The following BAZ2B variants were observed in gnomAD, a reference collection of about 807,000 sequenced individuals.
BAZ2B encodes bromodomain adjacent to zinc finger domain 2B.
A neutral mutation model predicts 246.0 loss-of-function variants in BAZ2B; 91 were observed. That is an observed-to-expected ratio of 0.37 (90% CI 0.31 to 0.44). The LOEUF (loss-of-function observed/expected upper bound fraction) is 0.44. BAZ2B is among the 20% of genes least tolerant of loss of function. The pLI is 1.00. For synonymous variants in BAZ2B, 855 were observed against 860.0 expected, an observed-to-expected ratio of 0.99 and a Z score of 0.10; for missense variants, 2,332 against 2,533.7, an observed-to-expected ratio of 0.92 and a Z score of 1.71.
At chr2:159,332,883 G>T in intron 33 of BAZ2B, 197 bp from the exon 34 acceptor site, 1 of 590,678 alleles carries the variant, frequency 1.7e-6, no homozygotes, top group Non-Finnish European at 2.9e-6. Flanking sequence ...AGTTCTATTG[G>T]GGTAAATGCA....
At chr2:159,446,714 T>C in intron 6 of BAZ2B, 68 bp downstream of exon 6, 2 of 1,390,524 alleles carry the variant, frequency 1.4e-6, no homozygotes, top group Non-Finnish European at 9.6e-7. Context: ...ATTCTGTTGA[T>C]TTGACCTTCA....
At chr2:159,697,628 C>CT in the BAZ2B span, among the ~76,000 whole-genome samples, 7 of 152,070 alleles carry the variant, frequency 4.6e-5, no homozygotes, top group East Asian at 9.6e-4. Flanking sequence ...ACAATTTTGG[C>CT]TTTTTTTGCA....
intron 3 of BAZ2B, among the ~76,000 whole-genome samples, chr2:159,478,107 T>G (rs1483034335): frequency 6.6e-6 from 1 of 152,166 alleles, no homozygotes; most frequent in Non-Finnish European, 1.5e-5. Flanking sequence ...TCAGCCAAAT[T>G]TTATTCATGT....
rs1415294612 is a variant in BAZ2B, at chr2:159,569,055, A to G, written c.-45-13190T>C. Reference sequence around the variant, plus strand: ...CAGCATTTACTAAATAACAGTTAATAGATGTGATCCATTCCATAACAAATT... The same window carrying G: ...CAGCATTTACTAAATAACAGTTAATGGATGTGATCCATTCCATAACAAATT... On this transcript the variant is annotated intron_variant, in intron 1 of 36. Transcript: ENST00000392783. Among the ~76,000 whole-genome samples the G allele has an allele frequency of 7.2e-5, 11 of 152,176 alleles. No homozygotes were observed. In the East Asian group the frequency reaches 2.1e-3, roughly 29 times the overall value.
chr2:159,390,846 G>C (rs1276988146), intron 20 of BAZ2B, among the ~76,000 whole-genome samples: 1 of 152,106 alleles, frequency 6.6e-6, no homozygotes, highest in African/African-American at 2.4e-5. Flanking sequence ...ACTGATTCAT[G>C]CAGACATTCT....
At chr2:159,507,720 G>A (rs1031190548) in intron 2 of BAZ2B, among the ~76,000 whole-genome samples, 2 of 152,096 alleles carry the variant, frequency 1.3e-5, no homozygotes, top group African/African-American at 4.8e-5. Flanking sequence ...ATAAGAAAAT[G>A]AGAAGGGACA....
intron 17 of BAZ2B, 142 bp from the exon 18 acceptor site, chr2:159,399,036 C>T: frequency 1.7e-6 from 1 of 605,928 alleles, no homozygotes; most frequent in Non-Finnish European, 2.7e-6. Flanking sequence ...AGATTTCCCC[C>T]CAGTTAACAT....
chr2:159,486,447 C>A (rs1180667277), intron 2 of BAZ2B, among the ~76,000 whole-genome samples: 1 of 151,944 alleles, frequency 6.6e-6, no homozygotes, highest in African/African-American at 2.4e-5. Flanking sequence ...CTAAGTACTA[C>A]ATGTCTGATG....
intron 22 of BAZ2B, 118 bp from the exon 23 acceptor site, chr2:159,385,487 C>CTTTTT: frequency 1.4e-5 from 9 of 639,988 alleles, no homozygotes; most frequent in South Asian, 2.7e-5. Context: ...GCTTTATTCA[C>CTTTTT]TTTTTTTTTA....
intron 9 of BAZ2B, among the ~76,000 whole-genome samples, chr2:159,431,943 A>G (rs2071201216): frequency 6.6e-6 from 1 of 152,188 alleles, no homozygotes; most frequent in Non-Finnish European, 1.5e-5. Flanking sequence ...AGTTATGAAT[A>G]TTGATATTTA....
At chr2:159,536,682 C>T (rs915664751) in intron 2 of BAZ2B, among the ~76,000 whole-genome samples, 12 of 152,070 alleles carry the variant, frequency 7.9e-5, no homozygotes, top group African/African-American at 2.4e-4. Context: ...TCTTCAGTTG[C>T]GTGTAACTGC....
chr2:159,649,909 T>C, the BAZ2B span, among the ~76,000 whole-genome samples: 1 of 152,322 alleles, frequency 6.6e-6, no homozygotes, highest in Non-Finnish European at 1.5e-5. Context: ...TATTCATTTT[T>C]TAATAATTAA....
At chr2:159,389,125 CCAAA>C (rs879439658) in intron 21 of BAZ2B, among the ~76,000 whole-genome samples, 2,840 of 149,210 alleles carry the variant, frequency 0.019, 39 homozygotes, top group Middle Eastern at 0.024. Context: ...AACCAACCAA[CCAAA>C]CAAACAAACA....
At chr2:159,596,714 C>G (rs756175631) in intron 1 of BAZ2B, among the ~76,000 whole-genome samples, 4 of 152,152 alleles carry the variant, frequency 2.6e-5, no homozygotes, top group Non-Finnish European at 5.9e-5. Flanking sequence ...CCAAAGTCCA[C>G]TGTGTCATTC....
intron 19 of BAZ2B, chr2:159,396,294 G>A (rs186504304): frequency 6.6e-6 from 1 of 152,396 alleles, no homozygotes; most frequent in Admixed American, 6.5e-5. Context: ...TTAACTTCAT[G>A]ATTTTAGAGT....
rs903319381 is a variant in BAZ2B, at chr2:159,335,306, G to A, written c.5796+1636C>T. On this transcript the variant is annotated intron_variant, in intron 33 of 36. Transcript: ENST00000392783. ...TCATGCTTGTAATCCCAGCACTTTG[G>A]GAGGCCAAGGCAGGCGGATCATTTG... is the stretch of plus-strand genomic sequence containing the variant. Among the ~76,000 whole-genome samples the A allele has an allele frequency of 2.6e-5, 4 of 152,214 alleles. No individual in the cohort carries two copies. In the East Asian group the frequency reaches 7.7e-4, roughly 29 times the overall value.
intron 2 of BAZ2B, among the ~76,000 whole-genome samples, chr2:159,501,147 AT>A (rs1216494114): frequency 6.0e-5 from 2 of 33,538 alleles, no homozygotes; most frequent in Non-Finnish European, 1.5e-4. Flanking sequence ...TTTTATATAT[AT>A]AATATATATA....
At chr2:159,357,196 T>C (rs1349620673) in intron 27 of BAZ2B, among the ~76,000 whole-genome samples, 1 of 151,968 alleles carries the variant, frequency 6.6e-6, no homozygotes, top group Non-Finnish European at 1.5e-5. Flanking sequence ...AGGAGCATGT[T>C]CTAACCCAAT....
chr2:159,583,055 A>G (rs942379314), intron 1 of BAZ2B, among the ~76,000 whole-genome samples: 3 of 152,206 alleles, frequency 2.0e-5, no homozygotes, highest in Admixed American at 2.0e-4. Context: ...AAAAATTCCA[A>G]TGCATATTTG....
Sources: gnomAD v4.1 joint callset for allele counts (sites outside exome capture counted in the v4.1 genomes callset) on GRCh38, gnomAD v4.1.1 for gene constraint, MANE v1.5 for transcripts, NCBI Gene and HGNC (gene_info 2026-07-23, HGNC 2026-07-21) for gene names.